VSTM2B: variants seen among roughly 807,000 people sequenced by gnomAD.
VSTM2B encodes the protein V-set and transmembrane domain containing 2B.
Under a neutral mutation model 24.0 loss-of-function variants are expected in VSTM2B, and 24 were observed. That is an observed-to-expected ratio of 1.00 (90% CI 0.72 to 1.40). The LOEUF (loss-of-function observed/expected upper bound fraction) is 1.40, where lower values mean the gene tolerates loss of function less well. Ranked by LOEUF, VSTM2B falls within the 40% of genes most tolerant of loss-of-function variation. VSTM2B has a pLI of 0.00. For synonymous variants in VSTM2B, 226 were observed against 194.4 expected, an observed-to-expected ratio of 1.16 and a Z score of -1.35; for missense variants, 399 against 416.4, an observed-to-expected ratio of 0.96 and a Z score of 0.36.
intron 4 of VSTM2B, among the ~76,000 whole-genome samples, chr19:29,533,373 T>A (rs1247419387): frequency 6.6e-6 from 1 of 151,994 alleles, no homozygotes; most frequent in Non-Finnish European, 1.5e-5. Context: ...GCCTCTGAGG[T>A]CTCTGTCACC....
intron 4 of VSTM2B, among the ~76,000 whole-genome samples, chr19:29,559,493 G>C (rs1970481805): frequency 6.6e-6 from 1 of 152,204 alleles, no homozygotes; most frequent in African/African-American, 2.4e-5. Context: ...ATAGCATTAG[G>C]AGAAATACCT....
intron 4 of VSTM2B, among the ~76,000 whole-genome samples, chr19:29,544,512 C>T (rs897793091): frequency 3.0e-5 from 3 of 99,092 alleles, no homozygotes; most frequent in African/African-American, 1.2e-4. Flanking sequence ...GGCGAAAGAG[C>T]GAGACTCTGT....
intron 3 of VSTM2B, among the ~76,000 whole-genome samples, chr19:29,528,792 G>C (rs1360222540): frequency 1.3e-5 from 2 of 152,256 alleles, no homozygotes; most frequent in Admixed American, 6.5e-5. Flanking sequence ...ATTCCTCCTA[G>C]CACCGGGAGC....
chr19:29,561,973 C>T (rs1411511802), intron 4 of VSTM2B, among the ~76,000 whole-genome samples: 1 of 152,180 alleles, frequency 6.6e-6, no homozygotes, highest in East Asian at 1.9e-4. Flanking sequence ...CTGCCTGAAG[C>T]ATAAAGATCT....
chr19:29,543,674 T>G (rs1254903283), intron 4 of VSTM2B, among the ~76,000 whole-genome samples: 1 of 152,202 alleles, frequency 6.6e-6, no homozygotes, highest in Non-Finnish European at 1.5e-5. Context: ...CTACCCACTA[T>G]TTGCCTGACC....
intron 4 of VSTM2B, among the ~76,000 whole-genome samples, chr19:29,551,348 T>A (rs1410298754): frequency 5.3e-5 from 8 of 152,278 alleles, no homozygotes; most frequent in African/African-American, 1.9e-4. Context: ...GCTTGAGAGC[T>A]GCCATATTGC....
intron 4 of VSTM2B, among the ~76,000 whole-genome samples, chr19:29,537,121 G>T (rs545721986): frequency 3.3e-5 from 5 of 152,210 alleles, no homozygotes; most frequent in Non-Finnish European, 7.3e-5. Flanking sequence ...CATAAGGGCT[G>T]CAGGGAAGTT....
Position 29,530,001 on chromosome 19 carries a change from C to G in VSTM2B, c.480C>G (p.Ala160=). The G allele has an allele frequency of 3.2e-6, 5 of 1,541,174 alleles. No individual in the cohort carries two copies. The highest frequency in any genetic ancestry group is 1.2e-5 in the South Asian group (1 of 83,896). ...SRFAPPNMQA[A]EAVSHIQSSG... Reference sequence around the variant, plus strand: ...TCGCGCCGCCCAACATGCAGGCCGCCGAGGCCGTGTCCCACATCCAGAGCA... The same window carrying G: ...TCGCGCCGCCCAACATGCAGGCCGCGGAGGCCGTGTCCCACATCCAGAGCA... The change falls in exon 4 of 5, where the codon GCC becomes GCG. Residue 160 remains alanine (A), a synonymous_variant. Coordinates refer to ENST00000335523, the MANE Select transcript of VSTM2B (RefSeq NM_001146339.2).
At chr19:29,559,938 C>T (rs979059977) in intron 4 of VSTM2B, among the ~76,000 whole-genome samples, 1 of 152,062 alleles carries the variant, frequency 6.6e-6, no homozygotes, top group Admixed American at 6.5e-5. Flanking sequence ...CTCAGTTGGG[C>T]GATTCTTCTG....
rs1208656997 is a variant in VSTM2B at position 29,526,572 on chromosome 19, C to A, written c.-12C>A. On this transcript the variant is annotated 5_prime_UTR_variant, in exon 1 of 5. Coordinates refer to ENST00000335523, the MANE Select transcript of VSTM2B (RefSeq NM_001146339.2). This position sits in a 1 kb window ranked among gnomAD's most constrained non-coding sequence, Gnocchi z 4.1. ...TCCCGGGCCCCCGCCGCCACCGCGC[C>A]CCCCGCGGGAGATGGAACAGCGGAA... 3 of 1,504,462 alleles carry A rather than the reference C, an allele frequency of 2.0e-6. No individual in the cohort carries two copies. In the Admixed American group the frequency reaches 6.2e-5, roughly 31 times the overall value. The allele number at this position is 1,504,462 out of a possible 1,614,324, so 93.2% of individuals were successfully genotyped here.
chr19:29,535,433 G>A (rs1051181651), intron 4 of VSTM2B, among the ~76,000 whole-genome samples: 2 of 152,206 alleles, frequency 1.3e-5, no homozygotes, highest in African/African-American at 4.8e-5. Context: ...TAGCCTCAGG[G>A]CTCTGGCTCC....
chr19:29,530,324 G>T, intron 4 of VSTM2B, 34 bp downstream of exon 4: 2 of 1,471,706 alleles, frequency 1.4e-6, no homozygotes, highest in Non-Finnish European at 1.8e-6. Context: ...GCACGCGCGG[G>T]GATGGCGCAG....
chr19:29,541,658 G>A (rs1381232221), intron 4 of VSTM2B, among the ~76,000 whole-genome samples: 1 of 152,096 alleles, frequency 6.6e-6, no homozygotes, highest in African/African-American at 2.4e-5. Flanking sequence ...TGGGTACATA[G>A]AAGGGAGAAT....
chr19:29,526,658 G>A lies in VSTM2B; in HGVS notation c.75G>A (p.Val25=). The change falls in exon 1 of 5, where the codon GTG becomes GTA. Residue 25 remains valine, a synonymous_variant. Coordinates refer to ENST00000335523, the MANE Select transcript of VSTM2B (RefSeq NM_001146339.2). This position sits in a 1 kb window ranked among gnomAD's most constrained non-coding sequence, Gnocchi z 4.1. The part of the protein sequence containing the change: ...PLLLHALLLF[V]ADAAFTEVPK... The stretch of plus-strand genomic sequence containing the variant: ...TGCTGCATGCCCTGCTGCTCTTCGT[G>A]GCCGACGGTGAGCGCGGGAACTTTG... 6.5e-7 allele frequency: 1 copy of A among 1,528,760 alleles called. No individual in the cohort carries two copies. Among genetic ancestry groups the A allele is most frequent in the South Asian group, 1.2e-5 (1 of 82,774 alleles). 94.7% of individuals were successfully genotyped at this position (1,528,760 alleles called of 1,614,324 possible). A position where few individuals can be genotyped will look rare whatever the true frequency, so the allele number is the denominator to read the frequency against.
chr19:29,528,433 G>A lies in VSTM2B; in HGVS notation c.268G>A (p.Val90Ile). 1 of 1,551,198 alleles carries A rather than the reference G, an allele frequency of 6.4e-7. No homozygotes were observed. The change falls in exon 3 of 5, where the codon GTA becomes ATA. Residue 90 changes from valine to isoleucine, a missense_variant and splice_region_variant. By Grantham distance (29) the Val-to-Ile change is conservative. Transcript: ENST00000335523. ...CTCTCTCTCCCTCTTTGCATTTTAGGTAACAAATAAGGATGCAACTAAAAT... is the reference window on the plus strand; with the variant it reads ...CTCTCTCTCCCTCTTTGCATTTTAGATAACAAATAAGGATGCAACTAAAAT... ...ALSVPGARSK[V>I]TNKDATKIST...
At chr19:29,544,362 T>C (rs1970094310) in intron 4 of VSTM2B, among the ~76,000 whole-genome samples, 1 of 150,578 alleles carries the variant, frequency 6.6e-6, no homozygotes, top group African/African-American at 2.4e-5. Context: ...CCGTCTCTAC[T>C]GAAAATATAA....
At chr19:29,528,351 G>A (rs1236459455) in intron 2 of VSTM2B, 82 bp from the exon 3 acceptor site, 1 of 1,534,640 alleles carries the variant, frequency 6.5e-7, no homozygotes, top group Admixed American at 2.0e-5. Context: ...GGAGGAGGGT[G>A]CCCTTGCCTA....
rs139177010 is a variant in VSTM2B at position 29,557,403 on chromosome 19, A to G, written c.770-6443A>G. ...ACAATAATTAACTCAAGATAGATTA[A>G]AGACTTAAATGTAAGCTGGGCACGG... On this transcript the variant is annotated intron_variant, in intron 4 of 4. Coordinates refer to ENST00000335523, the MANE Select transcript of VSTM2B (RefSeq NM_001146339.2). Among the ~76,000 whole-genome samples the G allele has an allele frequency of 8.2e-3, 1,253 of 152,334 alleles. 21 individuals carry two copies. The highest frequency in any genetic ancestry group is 0.029 in the African/African-American group (1,190 of 41,576).
At chr19:29,538,205 A>G (rs1969937361) in intron 4 of VSTM2B, among the ~76,000 whole-genome samples, 1 of 152,178 alleles carries the variant, frequency 6.6e-6, no homozygotes, top group South Asian at 2.1e-4. Context: ...GATACATCCA[A>G]CCATTTGATT....
Sources: gnomAD v4.1 joint callset for allele counts (sites outside exome capture counted in the v4.1 genomes callset) on GRCh38, gnomAD v4.1.1 for gene constraint, Gnocchi (gnomAD v3.1) non-coding constraint, MANE v1.5 for transcripts, NCBI Gene and HGNC (gene_info 2026-07-23, HGNC 2026-07-21) for gene names.